Variants in TMEM132C observed in about 807,000 individuals in gnomAD.
TMEM132C encodes protein phosphatase 1, regulatory subunit 152.
TMEM132C carries 29 observed loss-of-function variants against 61.4 expected under a neutral mutation model. The ratio of observed to expected loss-of-function variants is 0.47; its 90% CI spans 0.35 to 0.64. TMEM132C has a LOEUF of 0.64. Ranked by LOEUF, TMEM132C falls within the 30% of genes least tolerant of loss-of-function variation. TMEM132C has a pLI of 0.00. For missense variants in TMEM132C, 1,408 were observed against 1,476.9 expected, an observed-to-expected ratio of 0.95 and a Z score of 0.76; for synonymous variants, 656 against 633.1, an observed-to-expected ratio of 1.04 and a Z score of -0.54.
intron 2 of TMEM132C, among the ~76,000 whole-genome samples, chr12:128,446,840 T>C (rs977275850): frequency 2.0e-5 from 3 of 152,204 alleles, no homozygotes; most frequent in African/African-American, 7.2e-5. Context: ...ATTGCTCTGC[T>C]GTTTTCTAAG....
At chr12:128,476,537 G>A (rs910251265) in intron 2 of TMEM132C, among the ~76,000 whole-genome samples, 3 of 152,150 alleles carry the variant, frequency 2.0e-5, no homozygotes, top group African/African-American at 7.2e-5. Flanking sequence ...CTAGAAAAAA[G>A]CCTCCTGTCT....
intron 1 of TMEM132C, among the ~76,000 whole-genome samples, chr12:128,315,170 G>A (rs569643913): frequency 6.6e-6 from 1 of 152,216 alleles, no homozygotes; most frequent in South Asian, 2.1e-4. Context: ...CCTTGGAGGG[G>A]ACATGCTCAG....
intron 1 of TMEM132C, among the ~76,000 whole-genome samples, chr12:128,380,229 A>G (rs556696722): frequency 6.6e-6 from 1 of 152,374 alleles, no homozygotes; most frequent in East Asian, 1.9e-4. Flanking sequence ...TCAGGCTCAT[A>G]GTAGGTGAGC....
chr12:128,526,991 G>C (rs1413966481), intron 2 of TMEM132C, among the ~76,000 whole-genome samples: 2 of 152,174 alleles, frequency 1.3e-5, no homozygotes, highest in Non-Finnish European at 2.9e-5. Flanking sequence ...GCCCAGGCAG[G>C]TGGGCCTCAA....
chr12:128,630,965 G>A lies in TMEM132C; in HGVS notation c.1305+14630G>A, dbSNP rs1040842432. On this transcript the variant is annotated intron_variant, in intron 4 of 8. Transcript: ENST00000435159. This position sits in a 1 kb window ranked among gnomAD's most constrained non-coding sequence, Gnocchi z 4.3. Reference sequence around the variant, plus strand: ...GAGAATCGCTTGAACCTGGGAGGCGGAGGCTGCAATGAGCCGAGATCACGC... The same window carrying A: ...GAGAATCGCTTGAACCTGGGAGGCGAAGGCTGCAATGAGCCGAGATCACGC... Among the ~76,000 whole-genome samples the A allele has an allele frequency of 1.3e-5, 2 of 152,196 alleles. No individual in the cohort carries two copies. The highest frequency in any genetic ancestry group is 4.8e-5 in the African/African-American group (2 of 41,456).
Position 128,306,430 on chromosome 12 carries a change from C to T in TMEM132C, c.85+38943C>T, listed in dbSNP as rs550561633. Among the ~76,000 whole-genome samples the T allele has an allele frequency of 4.0e-3, 608 of 152,192 alleles. 5 individuals are homozygous for T. The highest frequency in any genetic ancestry group is 0.014 in the African/African-American group (584 of 41,528). ...TGTTAGCCAGGATGGTCTCGATCTC[C>T]TGACCTCGTGATCTGCCCACCTCGG... On this transcript the variant is annotated intron_variant, in intron 1 of 8. Coordinates refer to ENST00000435159, the MANE Select transcript of TMEM132C (RefSeq NM_001136103.3).
chr12:128,656,607 C>A (rs1036705458), intron 4 of TMEM132C, among the ~76,000 whole-genome samples: 8 of 152,214 alleles, frequency 5.3e-5, no homozygotes, highest in African/African-American at 1.9e-4. Flanking sequence ...AAATGTGCCC[C>A]ACCAACCTTC....
At chr12:128,363,806 C>CTACACTGCAGCCTGAGCAACAGAGTG (rs1873777527) in intron 1 of TMEM132C, among the ~76,000 whole-genome samples, 2 of 146,396 alleles carry the variant, frequency 1.4e-5, no homozygotes, top group Non-Finnish European at 3.0e-5. Flanking sequence ...GATCACATCA[C>CTACACTGCAGCCTGAGCAACAGAGTG]TACACTGCAG....
In TMEM132C at chr12:128,514,330, C is replaced by T. The variant is rs116741168; in HGVS notation, c.975-29627C>T. On this transcript the variant is annotated intron_variant, in intron 2 of 8. Transcript: ENST00000435159. ...CTCTGTGCTAAGCACCTTCCCGATA[C>T]GGTCTCCTTCAGTCTTCCTAACACA... 4.6e-3 allele frequency among the ~76,000 whole-genome samples: 704 copies of T among 152,310 alleles called. 6 individuals are homozygous for T. Among genetic ancestry groups the T allele is most frequent in the African/African-American group, 0.016 (668 of 41,562 alleles).
intron 1 of TMEM132C, among the ~76,000 whole-genome samples, chr12:128,360,326 T>C (rs777063543): frequency 4.6e-5 from 7 of 151,530 alleles, no homozygotes; most frequent in Non-Finnish European, 1.0e-4. Flanking sequence ...CTAGATTTGA[T>C]TGGAGCGATT....
chr12:128,647,512 A>T (rs546462608), intron 4 of TMEM132C, among the ~76,000 whole-genome samples: 6 of 151,224 alleles, frequency 4.0e-5, no homozygotes, highest in Admixed American at 1.3e-4. Context: ...TCAATGTTGG[A>T]TATGAGTGTG....
intron 2 of TMEM132C, among the ~76,000 whole-genome samples, chr12:128,441,634 A>G (rs1869790430): frequency 6.6e-6 from 1 of 152,202 alleles, no homozygotes; most frequent in Non-Finnish European, 1.5e-5. Flanking sequence ...TCTGTGAAAC[A>G]CTAGACATTT....
rs149612231 is a variant in TMEM132C, at chr12:128,398,767, A to C, written c.86-15965A>C. 3.3e-3 allele frequency among the ~76,000 whole-genome samples: 500 copies of C among 152,296 alleles called. 4 individuals are homozygous for C. The highest frequency in any genetic ancestry group is 0.011 in the African/African-American group (471 of 41,550). On this transcript the variant is annotated intron_variant, in intron 1 of 8. Coordinates refer to ENST00000435159, the MANE Select transcript of TMEM132C (RefSeq NM_001136103.3). ...GAAAGTACAAAGAAGTCGATATATGATATGCAGCACCCGGACCAACAGGGT... is the reference window on the plus strand; with the variant it reads ...GAAAGTACAAAGAAGTCGATATATGCTATGCAGCACCCGGACCAACAGGGT...
At chr12:128,573,898 C>CAG (rs35319067) in intron 3 of TMEM132C, among the ~76,000 whole-genome samples, 1 of 142,818 alleles carries the variant, frequency 7.0e-6, no homozygotes, top group East Asian at 2.0e-4. Flanking sequence ...TTTTTGCAAT[C>CAG]AAAAAAAAAA....
rs1293880716 is a variant in TMEM132C, at chr12:128,343,655, G to A, written c.86-71077G>A. Among the ~76,000 whole-genome samples, 4 of 152,004 alleles carry A rather than the reference G, an allele frequency of 2.6e-5. No homozygotes were observed. The East Asian group carries it at 7.7e-4, about 29-fold the overall frequency. ...ACCCTTTTAAAGTCTACGAGCCAAT[G>A]ACATTTAATATATTAAGAGTTGTAC... On this transcript the variant is annotated intron_variant, in intron 1 of 8. Coordinates refer to ENST00000435159, the MANE Select transcript of TMEM132C (RefSeq NM_001136103.3).
chr12:128,487,629 A>G (rs1871548719), intron 2 of TMEM132C, among the ~76,000 whole-genome samples: 1 of 139,896 alleles, frequency 7.1e-6, no homozygotes, highest in Non-Finnish European at 1.5e-5. Context: ...ATATATATAT[A>G]TGCATGCATA....
chr12:128,654,663 T>C (rs1954306378), intron 4 of TMEM132C, among the ~76,000 whole-genome samples: 1 of 152,172 alleles, frequency 6.6e-6, no homozygotes, highest in Non-Finnish European at 1.5e-5. Flanking sequence ...TAGGAAGCTC[T>C]TGTCACTCAG....
In TMEM132C at chr12:128,451,779, C is replaced by T. The variant is rs375256493; in HGVS notation, c.974+36159C>T. ...GCCACAAGTCATTAATTTATTCACT[C>T]ATTCCTTTAGTCAATACATATTTAT... On this transcript the variant is annotated intron_variant, in intron 2 of 8. Transcript: ENST00000435159. Among the ~76,000 whole-genome samples, 12 of 152,164 alleles carry T rather than the reference C, an allele frequency of 7.9e-5. No homozygotes were observed. In the East Asian group the frequency reaches 2.3e-3, roughly 29 times the overall value.
chr12:128,458,366 C>T (rs1333015535), intron 2 of TMEM132C, among the ~76,000 whole-genome samples: 1 of 150,342 alleles, frequency 6.7e-6, no homozygotes, highest in Non-Finnish European at 1.5e-5. Flanking sequence ...ATAACAGAAA[C>T]CCAAAATAAT....
Sources: gnomAD v4.1 joint callset for allele counts (sites outside exome capture counted in the v4.1 genomes callset) on GRCh38, gnomAD v4.1.1 for gene constraint, Gnocchi (gnomAD v3.1) non-coding constraint, MANE v1.5 for transcripts, NCBI Gene and HGNC (gene_info 2026-07-23, HGNC 2026-07-21) for gene names.